Variants in SMOC2 observed in about 807,000 individuals in gnomAD.
SMOC2 encodes the protein SPARC related modular calcium binding 2, also known as SPARC-related modular calcium-binding protein 2.
Under a neutral mutation model 61.4 loss-of-function variants are expected in SMOC2, and 39 were observed. The ratio of observed to expected loss-of-function variants is 0.64; its 90% CI spans 0.49 to 0.83. SMOC2 has a LOEUF of 0.83. SMOC2 is among the 40% of genes least tolerant of loss of function. The pLI is 0.00. For missense variants in SMOC2, 556 were observed against 592.9 expected (o/e 0.94, Z 0.65); for synonymous variants, 247 against 239.9 (o/e 1.03, Z -0.27).
intron 7 of SMOC2, among the ~76,000 whole-genome samples, chr6:168,589,815 C>T (rs1374654803): frequency 2.2e-5 from 1 of 46,266 alleles, no homozygotes; most frequent in Non-Finnish European, 4.6e-5. Context: ...AGGGAGCAGC[C>T]GGTCTGGTGG....
chr6:168,595,497 C>A (rs4708754), intron 7 of SMOC2, among the ~76,000 whole-genome samples: 4 of 152,022 alleles, frequency 2.6e-5, no homozygotes, highest in Admixed American at 6.5e-5. Context: ...CTGGGGTGCC[C>A]CAGGAGGGAG....
At chr6:168,457,600 G>A (rs1052901269) in intron 1 of SMOC2, among the ~76,000 whole-genome samples, 3 of 152,208 alleles carry the variant, frequency 2.0e-5, no homozygotes, top group Non-Finnish European at 4.4e-5. Flanking sequence ...CGTCCTTCCA[G>A]CCGTGCTTGT....
intron 9 of SMOC2, among the ~76,000 whole-genome samples, chr6:168,631,778 G>A (rs1172897896): frequency 6.6e-6 from 1 of 152,188 alleles, no homozygotes; most frequent in Non-Finnish European, 1.5e-5. Context: ...TAAGGAGGAT[G>A]GAGTTTCCCA....
intron 4 of SMOC2, among the ~76,000 whole-genome samples, chr6:168,538,623 A>G (rs1405797567): frequency 3.0e-4 from 11 of 36,568 alleles, no homozygotes; most frequent in Admixed American, 8.4e-4. Flanking sequence ...AATCTGGGGG[A>G]GTGGGGTGAC....
In SMOC2 at chr6:168,475,389, G is replaced by C. The variant is rs1782055110; in HGVS notation, c.84+33935G>C. ...TGGAGAGCAGGTGCCAATGTCCCAG[G>C]CACAGGTGGAAACACGTGGTGCGTA... On this transcript the variant is annotated intron_variant, in intron 1 of 12. Coordinates refer to ENST00000356284, the MANE Select transcript of SMOC2 (RefSeq NM_001166412.2). The surrounding 1 kb of genome is among the most constrained non-coding windows in gnomAD (Gnocchi z 4.6). Among the ~76,000 whole-genome samples, 1 of 152,118 alleles carries C rather than the reference G, an allele frequency of 6.6e-6. No individual in the cohort carries two copies. Among genetic ancestry groups the C allele is most frequent in the Non-Finnish European group, 1.5e-5 (1 of 68,004 alleles).
At chr6:168,548,074 A>G (rs1325180471) in intron 6 of SMOC2, among the ~76,000 whole-genome samples, 1 of 152,236 alleles carries the variant, frequency 6.6e-6, no homozygotes, top group Admixed American at 6.5e-5. Context: ...GCAAAGTGTA[A>G]GGAGTACACA....
intron 8 of SMOC2, among the ~76,000 whole-genome samples, chr6:168,605,430 T>C (rs1785661872): frequency 6.6e-6 from 1 of 152,168 alleles, no homozygotes; most frequent in Admixed American, 6.5e-5. Flanking sequence ...AATAAACCTA[T>C]TGAAAAGAAT....
chr6:168,580,227 C>T (rs1018686458), intron 7 of SMOC2, among the ~76,000 whole-genome samples: 2 of 152,220 alleles, frequency 1.3e-5, no homozygotes, highest in Admixed American at 6.5e-5. Flanking sequence ...TCAGAACAGA[C>T]ACCTGTGGTC....
chr6:168,584,221 C>T (rs1450885425), intron 7 of SMOC2, among the ~76,000 whole-genome samples: 1 of 152,210 alleles, frequency 6.6e-6, no homozygotes, highest in African/African-American at 2.4e-5. Context: ...GTCGGCTGGA[C>T]GTGAAGACCA....
At chr6:168,615,298 C>T (rs1431653598) in intron 9 of SMOC2, among the ~76,000 whole-genome samples, 17 of 80,520 alleles carry the variant, frequency 2.1e-4, no homozygotes, top group South Asian at 5.0e-4. Context: ...CCTCTTCACA[C>T]CTACAGCCAG....
chr6:168,479,500 A>G (rs1456174071), intron 1 of SMOC2, among the ~76,000 whole-genome samples: 2 of 152,208 alleles, frequency 1.3e-5, no homozygotes, highest in African/African-American at 4.8e-5. Flanking sequence ...TGATGTAACT[A>G]TTTTGGAACT....
chr6:168,528,250 T>C (rs984151948), intron 4 of SMOC2, among the ~76,000 whole-genome samples: 4 of 148,584 alleles, frequency 2.7e-5, no homozygotes, highest in Non-Finnish European at 5.9e-5. Flanking sequence ...CTGTAAAATA[T>C]TCTCTTTCCC....
At chr6:168,560,548 C>T (rs1472486907) in intron 7 of SMOC2, among the ~76,000 whole-genome samples, 32 of 142,950 alleles carry the variant, frequency 2.2e-4, no homozygotes, top group Non-Finnish European at 3.1e-5. Context: ...ATTTTCCTGC[C>T]CTGAGACACG....
intron 1 of SMOC2, among the ~76,000 whole-genome samples, chr6:168,498,169 C>T (rs561981694): frequency 2.0e-5 from 3 of 152,260 alleles, no homozygotes; most frequent in Admixed American, 6.5e-5. Context: ...ATGATTTCAC[C>T]GAATAACACA....
intron 7 of SMOC2, among the ~76,000 whole-genome samples, chr6:168,572,892 G>A (rs1485313851): frequency 9.3e-6 from 1 of 107,986 alleles, no homozygotes; most frequent in Non-Finnish European, 1.7e-5. Context: ...CCAGGGCTGC[G>A]TGGTCCCTGA....
chr6:168,470,545 C>A (rs1170132865), intron 1 of SMOC2, among the ~76,000 whole-genome samples: 1 of 151,974 alleles, frequency 6.6e-6, no homozygotes, highest in East Asian at 1.9e-4. Context: ...GTGTTAGTGG[C>A]TCATGTCTGT....
At chr6:168,528,664 G>A (rs1450572890) in intron 4 of SMOC2, among the ~76,000 whole-genome samples, 1 of 152,236 alleles carries the variant, frequency 6.6e-6, no homozygotes, top group Non-Finnish European at 1.5e-5. Flanking sequence ...AGGAGAATGA[G>A]GGTGTCCACA....
At chr6:168,468,628 G>A (rs982940892) in intron 1 of SMOC2, among the ~76,000 whole-genome samples, 10 of 152,196 alleles carry the variant, frequency 6.6e-5, no homozygotes, top group African/African-American at 2.2e-4. Flanking sequence ...TCCACCTCCC[G>A]GGTTCAAGCG....
At chr6:168,525,860 G>C (rs376622700) in intron 2 of SMOC2, among the ~76,000 whole-genome samples, 16 of 152,220 alleles carry the variant, frequency 1.1e-4, no homozygotes, top group East Asian at 5.8e-4. Context: ...TGAGACCCCC[G>C]CCCCTCAGTC....
Sources: gnomAD v4.1 joint callset for allele counts (sites outside exome capture counted in the v4.1 genomes callset) on GRCh38, gnomAD v4.1.1 for gene constraint, Gnocchi (gnomAD v3.1) non-coding constraint, MANE v1.5 for transcripts, NCBI Gene and HGNC (gene_info 2026-07-23, HGNC 2026-07-21) for gene names.